Variants in OTUD5 observed in about 807,000 individuals in gnomAD.
The protein encoded by OTUD5 is OTU domain-containing protein 5.
In OTUD5, 2 loss-of-function variants were observed where a neutral mutation model predicts 36.3. The ratio of observed to expected loss-of-function variants is 0.06; its 90% CI spans 0.02 to 0.17. The LOEUF (loss-of-function observed/expected upper bound fraction) is 0.17. Among genes scored for constraint, OTUD5 ranks in the 10% least tolerant of loss-of-function variants. The probability of loss-of-function intolerance (pLI) is 1.00; values close to 1 mark genes in which losing one functional copy is unlikely to be tolerated. For synonymous variants in OTUD5, 234 were observed against 214.9 expected (o/e 1.09, Z -0.78); for missense variants, 233 against 512.3 (o/e 0.45, Z 5.26).
chrX:48,941,431 T>C (rs868913765), intron 2 of OTUD5, among the ~76,000 whole-genome samples: 1 of 17,970 alleles, frequency 5.6e-5, no homozygotes, highest in Non-Finnish European at 8.0e-5. Flanking sequence ...AGACTCCATC[T>C]CAAAAAAAAA....
chrX:48,927,691 A>C (rs1557047997), intron 5 of OTUD5, among the ~76,000 whole-genome samples: 1 of 111,695 alleles, frequency 9.0e-6, no homozygotes, highest in South Asian at 3.7e-4. Context: ...CCCAGAACCC[A>C]ATCCTTTTGG....
At chrX:48,925,151 G>A (rs1448047758) in intron 6 of OTUD5, among the ~76,000 whole-genome samples, 3 of 109,127 alleles carry the variant, frequency 2.7e-5, no homozygotes, top group Admixed American at 2.0e-4. Flanking sequence ...GGTGGTGGGC[G>A]CCTGTAGTCC....
chrX:48,934,593 A>G lies in OTUD5; in HGVS notation c.930T>C (p.His310=). ...GTTCGTCCTCGTTTTGATGTATCCC[A>G]TGGAATGTGTTGATGGGTTCTGCAG... The part of the protein sequence containing the change: ...QYSTEPINTF[H]GIHQNEDEPI... The change falls in exon 5 of 9, where the codon CAT becomes CAC. Residue 310 remains histidine (H), a synonymous_variant. Coordinates refer to ENST00000376488, the MANE Select transcript of OTUD5 (RefSeq NM_001136157.2). 1 of 1,211,188 alleles carries G rather than the reference A, an allele frequency of 8.3e-7. No homozygotes were observed. The highest frequency in any genetic ancestry group is 1.8e-5 in the South Asian group (1 of 56,978).
chrX:48,928,826 CAAA>C (rs782401982), intron 5 of OTUD5, among the ~76,000 whole-genome samples: 1 of 63,562 alleles, frequency 1.6e-5, no homozygotes. Flanking sequence ...TACACTGTCT[CAAA>C]AAAAAAAAAA....
intron 1 of OTUD5, among the ~76,000 whole-genome samples, chrX:48,949,425 C>T (rs782448231): frequency 1.4e-4 from 16 of 111,676 alleles, no homozygotes; most frequent in Non-Finnish European, 2.1e-4. Context: ...CGCCTGTAAT[C>T]GCGGCACTCT....
At chrX:48,952,072 C>T (rs782809172) in intron 1 of OTUD5, among the ~76,000 whole-genome samples, 1 of 110,790 alleles carries the variant, frequency 9.0e-6, no homozygotes, top group South Asian at 3.7e-4. Context: ...AAAACAAAAA[C>T]AAAAACAAAA....
chrX:48,943,242 A>G (rs1484824695), intron 2 of OTUD5, among the ~76,000 whole-genome samples: 1 of 111,908 alleles, frequency 8.9e-6, no homozygotes, highest in East Asian at 2.8e-4. Context: ...ACCCTAGCAC[A>G]GGACCTCACA....
chrX:48,941,380 G>A (rs917318103), intron 2 of OTUD5, among the ~76,000 whole-genome samples: 1 of 97,142 alleles, frequency 1.0e-5, no homozygotes, highest in Non-Finnish European at 2.0e-5. Flanking sequence ...GCAGTGAGCC[G>A]AGATCACGCC....
At chrX:48,926,081 A>ACAGG in intron 5 of OTUD5, 31 bp from the exon 6 acceptor site, 1 of 1,120,475 alleles carries the variant, frequency 8.9e-7, no homozygotes, top group Non-Finnish European at 1.2e-6. Flanking sequence ...AGGGATGTGC[A>ACAGG]ATAACACACT....
intron 1 of OTUD5, among the ~76,000 whole-genome samples, chrX:48,955,894 G>T (rs2064229159): frequency 9.0e-6 from 1 of 111,665 alleles, no homozygotes; most frequent in Non-Finnish European, 1.9e-5. Context: ...ATCTCCTAAA[G>T]ACTTCACCTT....
chrX:48,951,408 A>T (rs1468439319), intron 1 of OTUD5, among the ~76,000 whole-genome samples: 6 of 111,320 alleles, frequency 5.4e-5, no homozygotes, highest in African/African-American at 2.0e-4. Context: ...AAGTCAGGAG[A>T]TCGAGATCAT....
At chrX:48,949,514 C>T (rs185209327) in intron 1 of OTUD5, among the ~76,000 whole-genome samples, 86 of 110,245 alleles carry the variant, frequency 7.8e-4, no homozygotes, top group Non-Finnish European at 1.4e-3. Context: ...CCTATCTCTA[C>T]TAAAAATACA....
Position 48,944,276 on chromosome X carries a change from T to C in OTUD5, c.602A>G (p.His201Arg). 1.7e-6 allele frequency: 2 copies of C among 1,188,194 alleles called. No individual in the cohort carries two copies. Among genetic ancestry groups the C allele is most frequent in the Non-Finnish European group, 2.3e-6 (2 of 876,067 alleles). The stretch of plus-strand genomic sequence containing the variant: ...GTCTCGTAGGGCCTTTTCAAACCAA[T>C]GCTCCTGCTGGAGGGAAGAGGTGGG... ...MDPATVEQQEHWFEKALRDKK... is the reference protein window; with the variant it reads ...MDPATVEQQERWFEKALRDKK... The change falls in exon 2 of 9, where the codon CAT becomes CGT. Residue 201 changes from histidine to arginine, a missense_variant. Physicochemically the swap from His to Arg is conservative, Grantham distance 29. This residue lies in a region of OTUD5 where 155 missense variants were observed against 217.2 expected (regional missense o/e 0.71). Coordinates refer to ENST00000376488, the MANE Select transcript of OTUD5 (RefSeq NM_001136157.2).
At chrX:48,937,800 T>C (rs2063852437) in intron 2 of OTUD5, among the ~76,000 whole-genome samples, 1 of 112,376 alleles carries the variant, frequency 8.9e-6, no homozygotes, top group Non-Finnish European at 1.9e-5. Context: ...ACACAATTTG[T>C]CATGACGACA....
Position 48,922,689 on chromosome X carries a change from A to T in OTUD5, c.*485T>A. 9 of 755,822 alleles carry T rather than the reference A, an allele frequency of 1.2e-5. No homozygotes were observed. The highest frequency in any genetic ancestry group is 1.4e-5 in the Non-Finnish European group (9 of 639,935). 62.3% of individuals were successfully genotyped at this position (755,822 alleles called of 1,213,427 possible). On this transcript the variant is annotated 3_prime_UTR_variant, in exon 9 of 9. Coordinates refer to ENST00000376488, the MANE Select transcript of OTUD5 (RefSeq NM_001136157.2). The stretch of plus-strand genomic sequence containing the variant: ...AAAAAATTCAACATTGAAGGCTCAG[A>T]CGTTCTTGGGGGTACTGGGAAGGGA...
intron 1 of OTUD5, among the ~76,000 whole-genome samples, chrX:48,956,203 T>C (rs2064235273): frequency 8.9e-6 from 1 of 111,843 alleles, no homozygotes; most frequent in East Asian, 2.8e-4. Context: ...CTGCTGGTCA[T>C]TGGGTGTTGG....
At chrX:48,944,553 G>A (rs1395082849) in intron 1 of OTUD5, among the ~76,000 whole-genome samples, 1 of 112,308 alleles carries the variant, frequency 8.9e-6, no homozygotes, top group Non-Finnish European at 1.9e-5. Flanking sequence ...TGTTGACCTT[G>A]CAGGGCCTGG....
chrX:48,944,408 A>G (rs2063986933), intron 1 of OTUD5, 125 bp from the exon 2 acceptor site: 1 of 479,920 alleles, frequency 2.1e-6, no homozygotes, highest in Non-Finnish European at 3.7e-6. Context: ...TAAAGTTCTC[A>G]GCCCTGTTTG....
intron 1 of OTUD5, among the ~76,000 whole-genome samples, chrX:48,955,583 A>T (rs190088710): frequency 9.0e-6 from 1 of 110,764 alleles, no homozygotes; most frequent in East Asian, 2.8e-4. Flanking sequence ...CAGGCCCTTA[A>T]AAGTAGGCAA....
Sources: allele counts gnomAD v4.1 joint callset (sites outside exome capture counted in the v4.1 genomes callset), GRCh38; gene constraint gnomAD v4.1.1; regional missense constraint gnomAD v4.1.1; transcripts MANE v1.5; gene names NCBI Gene and HGNC (gene_info 2026-07-23, HGNC 2026-07-21).